Variants in RPTOR observed in about 807,000 individuals in gnomAD.
The protein encoded by RPTOR is regulatory-associated protein of mTOR.
A neutral mutation model predicts 169.9 loss-of-function variants in RPTOR; 21 were observed. The ratio of observed to expected loss-of-function variants is 0.12; its 90% confidence interval spans 0.09 to 0.18. The LOEUF (loss-of-function observed/expected upper bound fraction) is 0.18. Ranked by LOEUF, RPTOR falls within the 10% of genes least tolerant of loss-of-function variation. RPTOR has a pLI of 1.00. For synonymous variants in RPTOR, 732 were observed against 753.2 expected, an observed-to-expected ratio of 0.97 and a Z score of 0.46; for missense variants, 1,133 against 1,855.9, an observed-to-expected ratio of 0.61 and a Z score of 7.16.
intron 4 of RPTOR, among the ~76,000 whole-genome samples, chr17:80,720,239 G>A (rs1025022142): frequency 3.3e-5 from 5 of 152,092 alleles, no homozygotes; most frequent in Non-Finnish European, 7.4e-5. Context: ...GGAGGTTGCA[G>A]TGAGCCGAGA....
chr17:80,718,015 T>C (rs112006994), intron 4 of RPTOR, among the ~76,000 whole-genome samples: 3 of 152,216 alleles, frequency 2.0e-5, no homozygotes, highest in African/African-American at 7.2e-5. Context: ...GAGAAAGGTT[T>C]TTCCCACTTG....
intron 1 of RPTOR, chr17:80,603,020 G>A (rs373122818): frequency 4.2e-5 from 10 of 237,826 alleles, no homozygotes; most frequent in African/African-American, 1.6e-4. Context: ...TGTACTTCTC[G>A]TGTTCACATG....
At chr17:80,748,543 A>G (rs867660970) in intron 5 of RPTOR, among the ~76,000 whole-genome samples, 77 of 70,370 alleles carry the variant, frequency 1.1e-3, no homozygotes, top group East Asian at 1.9e-3. Context: ...TGGCGGGAGG[A>G]CCTGTTGGGT....
chr17:80,893,231 T>C (rs965092590), intron 19 of RPTOR, among the ~76,000 whole-genome samples: 12 of 151,986 alleles, frequency 7.9e-5, no homozygotes, highest in Admixed American at 5.2e-4. Context: ...TGCCTGTGTG[T>C]GCGCCGGGGC....
At chr17:80,863,101 G>A (rs1598360588) in intron 13 of RPTOR, among the ~76,000 whole-genome samples, 1 of 152,318 alleles carries the variant, frequency 6.6e-6, no homozygotes, top group East Asian at 1.9e-4. Context: ...GGTGGGCTCG[G>A]GCGGAAGAAA....
intron 28 of RPTOR, among the ~76,000 whole-genome samples, chr17:80,956,085 T>TA (rs1463038325): frequency 1.3e-5 from 2 of 152,232 alleles, no homozygotes; most frequent in Non-Finnish European, 2.9e-5. Flanking sequence ...GAAGGCATGT[T>TA]ACGTTGTTGA....
chr17:80,853,511 C>G (rs1331153062), intron 11 of RPTOR, among the ~76,000 whole-genome samples: 1 of 152,134 alleles, frequency 6.6e-6, no homozygotes, highest in Non-Finnish European at 1.5e-5. Context: ...GTGAGGTGGT[C>G]CCTACTGTCT....
intron 2 of RPTOR, among the ~76,000 whole-genome samples, chr17:80,639,872 G>C (rs1475485044): frequency 6.6e-6 from 1 of 152,182 alleles, no homozygotes; most frequent in Admixed American, 6.5e-5. Context: ...AGATGGAGAG[G>C]TTTAAAAAGA....
intron 4 of RPTOR, among the ~76,000 whole-genome samples, chr17:80,717,840 G>T (rs185268408): frequency 6.6e-6 from 1 of 152,156 alleles, no homozygotes; most frequent in African/African-American, 2.4e-5. Context: ...CCCATGCACC[G>T]CCCTCCCTTG....
At chr17:80,563,464 CA>C (rs2084527887) in intron 1 of RPTOR, among the ~76,000 whole-genome samples, 1 of 145,050 alleles carries the variant, frequency 6.9e-6, no homozygotes, top group African/African-American at 2.6e-5. Flanking sequence ...ACCCGGGAGG[CA>C]GAGGTTGGAG....
rs145411804 is a variant in RPTOR at position 80,578,228 on chromosome 17, C to T, written c.162+32437C>T. ...TGAGTGAGTGGTTGGGGGGGTGGTA[C>T]ATTTCACTCCAGATGTCAACAGTCA... On this transcript the variant is annotated intron_variant, in intron 1 of 33. Transcript: ENST00000306801. Among the ~76,000 whole-genome samples, 16 of 152,164 alleles carry T rather than the reference C, an allele frequency of 1.1e-4. No homozygotes were observed. In the East Asian group the frequency reaches 2.9e-3, roughly 28 times the overall value.
chr17:80,790,763 A>T (rs1428817181), intron 6 of RPTOR, among the ~76,000 whole-genome samples: 1 of 152,162 alleles, frequency 6.6e-6, no homozygotes, highest in African/African-American at 2.4e-5. Flanking sequence ...ATTTGTTCTT[A>T]ATTTTAAAAG....
intron 9 of RPTOR, among the ~76,000 whole-genome samples, chr17:80,831,846 C>CGTGTGTGTCA (rs2067508740): frequency 4.5e-5 from 1 of 22,014 alleles, no homozygotes; most frequent in Admixed American, 4.7e-4. Context: ...ACTGTGTATC[C>CGTGTGTGTCA]CTGTGTGTGC....
intron 7 of RPTOR, among the ~76,000 whole-genome samples, chr17:80,797,899 G>A (rs1006951831): frequency 2.0e-5 from 3 of 152,178 alleles, no homozygotes; most frequent in Non-Finnish European, 4.4e-5. Flanking sequence ...CCACGTGTCA[G>A]GGGAGACAGA....
At chr17:80,939,437 AAG>A (rs2068996383) in intron 24 of RPTOR, among the ~76,000 whole-genome samples, 1 of 152,254 alleles carries the variant, frequency 6.6e-6, no homozygotes, top group Non-Finnish European at 1.5e-5. Context: ...TTGCTCAGGG[AAG>A]AGAGGGCAGC....
chr17:80,646,548 G>C lies in RPTOR; in HGVS notation c.348+2738G>C, dbSNP rs1599632170. ...AAACAGGAGGCACTTAGCAAACTCA[G>C]ATGTTTGTGTGCAAGGGGCCTGGTT... On this transcript the variant is annotated intron_variant, in intron 3 of 33. Transcript: ENST00000306801. The surrounding 1 kb of genome is among the most constrained non-coding windows in gnomAD (Gnocchi z 5.0). Among the ~76,000 whole-genome samples the C allele has an allele frequency of 6.6e-6, 1 of 152,310 alleles. No individual in the cohort carries two copies. Among genetic ancestry groups the C allele is most frequent in the East Asian group, 1.9e-4 (1 of 5,180 alleles).
At chr17:80,894,544 T>G (rs1453074676) in intron 20 of RPTOR, among the ~76,000 whole-genome samples, 1 of 152,240 alleles carries the variant, frequency 6.6e-6, no homozygotes, top group Admixed American at 6.5e-5. Flanking sequence ...CCAGGATTGC[T>G]GTTGTAAAAC....
chr17:80,619,051 A>G (rs1351685963), intron 1 of RPTOR, among the ~76,000 whole-genome samples: 2 of 152,050 alleles, frequency 1.3e-5, no homozygotes, highest in South Asian at 2.1e-4. Context: ...TAAATTATGC[A>G]TTTGTGTAGC....
At chr17:80,827,214 G>T (rs2067454291) in intron 9 of RPTOR, among the ~76,000 whole-genome samples, 1 of 152,370 alleles carries the variant, frequency 6.6e-6, no homozygotes, top group South Asian at 2.1e-4. Flanking sequence ...AGTAATAGGA[G>T]TTCCTCCAGC....
Sources: gnomAD v4.1 joint callset for allele counts (sites outside exome capture counted in the v4.1 genomes callset) on GRCh38, gnomAD v4.1.1 for gene constraint, Gnocchi (gnomAD v3.1) non-coding constraint, MANE v1.5 for transcripts, NCBI Gene and HGNC (gene_info 2026-07-23, HGNC 2026-07-21) for gene names.